Variants in CRYL1 observed in about 807,000 individuals in gnomAD.
The protein encoded by CRYL1 is lambda-crystallin homolog.
CRYL1 carries 29 observed loss-of-function variants against 36.6 expected under a neutral mutation model. That is an observed-to-expected ratio of 0.79 (90% CI 0.59 to 1.08). CRYL1 has a LOEUF of 1.08. Ranked by LOEUF, CRYL1 falls within the 50% of genes least tolerant of loss-of-function variation. The pLI, the probability that CRYL1 is intolerant of heterozygous loss-of-function variation, is 0.00. For missense variants in CRYL1, 411 were observed against 407.9 expected (o/e 1.01, Z -0.06); for synonymous variants, 152 against 151.5 (o/e 1.00, Z -0.02).
At chr13:20,429,815 C>G (rs1351690400) in intron 5 of CRYL1, among the ~76,000 whole-genome samples, 1 of 152,072 alleles carries the variant, frequency 6.6e-6, no homozygotes, top group Non-Finnish European at 1.5e-5. Flanking sequence ...GTCACCTGGC[C>G]CCTCTCTTAC....
At chr13:20,478,567 C>T (rs2033210208) in intron 3 of CRYL1, among the ~76,000 whole-genome samples, 1 of 152,196 alleles carries the variant, frequency 6.6e-6, no homozygotes, top group Admixed American at 6.5e-5. Context: ...CCTCCACCTC[C>T]TGGGCTCAAG....
At chr13:20,482,619 G>A (rs574039051) in intron 3 of CRYL1, among the ~76,000 whole-genome samples, 24 of 152,350 alleles carry the variant, frequency 1.6e-4, no homozygotes, top group African/African-American at 5.8e-4. Context: ...CCGCCCTCTA[G>A]GGTTGGGTAG....
At chr13:20,408,316 T>A (rs1347232673) in intron 6 of CRYL1, among the ~76,000 whole-genome samples, 2 of 152,124 alleles carry the variant, frequency 1.3e-5, no homozygotes, top group African/African-American at 4.8e-5. Context: ...CCACCAGGCA[T>A]CTCAGTTTTG....
intron 3 of CRYL1, among the ~76,000 whole-genome samples, chr13:20,449,968 T>C (rs375729354): frequency 2.0e-5 from 3 of 152,152 alleles, no homozygotes; most frequent in Non-Finnish European, 4.4e-5. Flanking sequence ...GAAAAAGTAT[T>C]CCATGCTTAT....
At chr13:20,479,265 C>T (rs1229235667) in intron 3 of CRYL1, among the ~76,000 whole-genome samples, 1 of 152,148 alleles carries the variant, frequency 6.6e-6, no homozygotes, top group East Asian at 1.9e-4. Flanking sequence ...TCAGCAGACC[C>T]AACACTGGCA....
At chr13:20,460,851 G>A (rs9579865) in intron 3 of CRYL1, among the ~76,000 whole-genome samples, 31,433 of 152,068 alleles carry the variant, frequency 0.21, 3,461 homozygotes, top group East Asian at 0.31. Context: ...TAAGAGTTAA[G>A]TAATTTGCTA....
chr13:20,458,716 CA>C, intron 3 of CRYL1, among the ~76,000 whole-genome samples: 2 of 152,262 alleles, frequency 1.3e-5, no homozygotes, highest in East Asian at 3.9e-4. Context: ...TTCAAGTGCT[CA>C]AAAGCCATGT....
chr13:20,448,027 G>C (rs1449375801), intron 3 of CRYL1, among the ~76,000 whole-genome samples: 1 of 152,126 alleles, frequency 6.6e-6, no homozygotes, highest in Non-Finnish European at 1.5e-5. Flanking sequence ...GGAAAAATCT[G>C]ACAGTAAATT....
intron 1 of CRYL1, among the ~76,000 whole-genome samples, chr13:20,524,984 A>C (rs538567308): frequency 6.8e-6 from 1 of 147,034 alleles, no homozygotes; most frequent in East Asian, 2.0e-4. Context: ...TGGCCAAAGA[A>C]AGGTACATAC....
At chr13:20,428,423 A>G (rs754737268) in intron 5 of CRYL1, among the ~76,000 whole-genome samples, 1 of 152,246 alleles carries the variant, frequency 6.6e-6, no homozygotes, top group Non-Finnish European at 1.5e-5. Context: ...CCAAAATCAA[A>G]TAAAGATAAT....
chr13:20,508,850 A>G (rs1260619609), intron 2 of CRYL1, among the ~76,000 whole-genome samples: 6 of 12,642 alleles, frequency 4.7e-4, no homozygotes, highest in Non-Finnish European at 1.1e-3. Context: ...CGAGACTCCA[A>G]AAAAAAAAAA....
chr13:20,513,825 G>T (rs1474953259), intron 1 of CRYL1: 2 of 151,746 alleles, frequency 1.3e-5, no homozygotes, highest in East Asian at 3.9e-4. Flanking sequence ...GGACTCCCTG[G>T]AGAAATGGCT....
intron 2 of CRYL1, among the ~76,000 whole-genome samples, chr13:20,493,350 C>T (rs757070644): frequency 1.9e-4 from 29 of 152,326 alleles, no homozygotes; most frequent in Non-Finnish European, 3.1e-4. Context: ...AGCCCTATAG[C>T]GACAGGGCGG....
At position 20,413,388 on chromosome 13, in the gene CRYL1, C is replaced by T; in HGVS notation, c.634-1G>A. 1.2e-6 allele frequency: 2 copies of T among 1,600,786 alleles called. No homozygotes were observed. Among genetic ancestry groups the T allele is most frequent in the Non-Finnish European group, 1.7e-6 (2 of 1,170,080 alleles). The stretch of plus-strand genomic sequence containing the variant: ...GGTCACTAGGAGACACGATTCCTTC[C>T]TACGTGGAGAAATTGGGCGGCATAG... On this transcript the variant is annotated splice_acceptor_variant, in intron 5 of 7. Coordinates refer to ENST00000298248, the MANE Select transcript of CRYL1 (RefSeq NM_015974.3). LOFTEE classifies it high-confidence loss of function.
intron 3 of CRYL1, among the ~76,000 whole-genome samples, chr13:20,475,684 G>A (rs1022064629): frequency 6.6e-6 from 1 of 152,180 alleles, no homozygotes; most frequent in African/African-American, 2.4e-5. Context: ...AGCCATATCA[G>A]CCTCAGGAGG....
At chr13:20,466,987 G>A (rs1382937937) in intron 3 of CRYL1, among the ~76,000 whole-genome samples, 2 of 150,260 alleles carry the variant, frequency 1.3e-5, no homozygotes, top group African/African-American at 4.9e-5. Flanking sequence ...TCACTCTGTT[G>A]CCCAGGCTGG....
rs959412151 is a variant in CRYL1, at chr13:20,425,970, A to T, written c.633+6132T>A. On this transcript the variant is annotated intron_variant, in intron 5 of 7. Transcript: ENST00000298248. The surrounding 1 kb of genome is among the most constrained non-coding windows in gnomAD (Gnocchi z 4.4). ...TGTTTCTGGGTGTCCCTCCTGAGGGACCTGCTTCTGCCCACACAGGCTCAT... is the reference window on the plus strand; with the variant it reads ...TGTTTCTGGGTGTCCCTCCTGAGGGTCCTGCTTCTGCCCACACAGGCTCAT... Among the ~76,000 whole-genome samples, 5 of 152,076 alleles carry T rather than the reference A, an allele frequency of 3.3e-5. No homozygotes were observed. The highest frequency in any genetic ancestry group is 1.2e-4 in the African/African-American group (5 of 41,384).
At chr13:20,454,593 G>A (rs111518458) in intron 3 of CRYL1, among the ~76,000 whole-genome samples, 4,553 of 151,762 alleles carry the variant, frequency 0.03, 240 homozygotes, top group African/African-American at 0.1. Context: ...AATTTTTTTC[G>A]TATTTTTAGT....
intron 3 of CRYL1, among the ~76,000 whole-genome samples, chr13:20,457,974 G>A (rs904489858): frequency 2.6e-5 from 4 of 152,194 alleles, no homozygotes; most frequent in Non-Finnish European, 4.4e-5. Context: ...GGTTTTCAAC[G>A]TTAGGGAAAG....
Sources: gnomAD v4.1 joint callset for allele counts (sites outside exome capture counted in the v4.1 genomes callset) on GRCh38, gnomAD v4.1.1 for gene constraint, Gnocchi (gnomAD v3.1) non-coding constraint, MANE v1.5 for transcripts, NCBI Gene and HGNC (gene_info 2026-07-23, HGNC 2026-07-21) for gene names.